Variants in TMEM259 observed in about 807,000 individuals in gnomAD.
TMEM259 encodes membralin.
Under a neutral mutation model 46.7 loss-of-function variants are expected in TMEM259, and 26 were observed. The observed-to-expected ratio is 0.56, with a 90% CI of 0.41 to 0.77. TMEM259 has a LOEUF of 0.77. TMEM259 is among the 30% of genes least tolerant of loss of function. The pLI is 0.00. For missense variants in TMEM259, 930 were observed against 900.5 expected (o/e 1.03, Z -0.42); for synonymous variants, 494 against 395.1 (o/e 1.25, Z -2.97).
At chr19:1,013,516 C>A (rs921182973) in intron 2 of TMEM259, 176 bp from the exon 3 acceptor site, 1 of 595,670 alleles carries the variant, frequency 1.7e-6, no homozygotes, top group Non-Finnish European at 3.0e-6. Flanking sequence ...CCCACCTCAA[C>A]ACCAAGCCTG....
chr19:1,018,838 A>T (rs1032285135), intron 1 of TMEM259, among the ~76,000 whole-genome samples: 8 of 152,166 alleles, frequency 5.3e-5, no homozygotes, highest in African/African-American at 1.9e-4. Flanking sequence ...AGACAAAAAA[A>T]TTAGCCGGTT....
Position 1,010,785 on chromosome 19 carries a change from C to T in TMEM259, c.1428G>A (p.Thr476=), listed in dbSNP as rs759545655. ...QAPPLGPGTP[T]ALPDDMNNNS... is the part of the protein sequence containing the mutation. The stretch of plus-strand genomic sequence containing the variant: ...TGTTGTTCATGTCATCGGGCAGCGC[C>T]GTGGGGGTCCCGGGGCCCAGTGGCG... The change falls in exon 11 of 11, where the codon ACG becomes ACA. Residue 476 remains threonine (T), a synonymous_variant. Transcript: ENST00000356663. The T allele has an allele frequency of 3.1e-5, 49 of 1,563,790 alleles. No individual in the cohort carries two copies. Among genetic ancestry groups the T allele is most frequent in the Admixed American group, 7.3e-5 (4 of 54,832 alleles).
chr19:1,012,466 G>A lies in TMEM259; in HGVS notation c.715C>T (p.Leu239=). The change falls in exon 4 of 11, where the codon CTG becomes TTG. Residue 239 remains leucine (L), a synonymous_variant. Coordinates refer to ENST00000356663, the MANE Select transcript of TMEM259 (RefSeq NM_001033026.2). ...RLSIPVMVVT[L]DPTRDQCFGD... ...AAGCCCAGCAGCTCAGACTCACCCA[G>A]GGTGACCACCATGACGGGGATGCTC... 2 of 1,599,322 alleles carry A rather than the reference G, an allele frequency of 1.3e-6. No individual in the cohort carries two copies. The highest frequency in any genetic ancestry group is 1.7e-6 in the Non-Finnish European group (2 of 1,174,858).
At chr19:1,016,611 G>A (rs895207892) in intron 1 of TMEM259, among the ~76,000 whole-genome samples, 1 of 152,246 alleles carries the variant, frequency 6.6e-6, no homozygotes, top group Non-Finnish European at 1.5e-5. Context: ...GGGACGCACG[G>A]CTGTTACCAT....
At chr19:1,011,241 C>G in intron 9 of TMEM259, 46 bp from the exon 10 acceptor site, 1 of 1,550,682 alleles carries the variant, frequency 6.4e-7, no homozygotes. Flanking sequence ...CCCACCCTGC[C>G]AGGCCCAGCC....
rs2039255210 is a variant in TMEM259, at chr19:1,020,475, G to A, written c.225+297C>T. ...GTCGCCGGGGACAGGATGGGCCCTG[G>A]AGGGAGCTGACAGTGAGGTTTCCAG... On this transcript the variant is annotated intron_variant, in intron 1 of 10. Transcript: ENST00000356663. This position sits in a 1 kb window ranked among gnomAD's most constrained non-coding sequence, Gnocchi z 4.0. 9.9e-6 allele frequency among the ~76,000 whole-genome samples: 1 copy of A among 101,214 alleles called. No individual in the cohort carries two copies. The highest frequency in any genetic ancestry group is 2.7e-4 in the South Asian group (1 of 3,684). 66.4% of individuals were successfully genotyped at this position (101,214 alleles called of 152,430 possible). A position where few individuals can be genotyped will look rare whatever the true frequency, so the allele number is the denominator to read the frequency against.
Position 1,013,230 on chromosome 19 carries a change from G to C in TMEM259, c.607+11C>G, listed in dbSNP as rs1420760739. The C allele has an allele frequency of 6.2e-7, 1 of 1,611,404 alleles. No individual in the cohort carries two copies. The highest frequency in any genetic ancestry group is 1.7e-5 in the Admixed American group (1 of 59,990). ...CCCCGTGAGGCAGTACACCTTTGGT[G>C]GGTGGCCTACCTTTGGTGGGCGTCT... On this transcript the variant is annotated intron_variant, in intron 3 of 10. Transcript: ENST00000356663.
chr19:1,018,547 G>A (rs1468402721), intron 1 of TMEM259, among the ~76,000 whole-genome samples: 1 of 152,220 alleles, frequency 6.6e-6, no homozygotes, highest in Non-Finnish European at 1.5e-5. Flanking sequence ...CAGGCAGGCA[G>A]GAAGCAGAGG....
In TMEM259 at chr19:1,010,155, G is replaced by A. The variant is rs977005921; in HGVS notation, c.*195C>T. The A allele has an allele frequency of 8.7e-5, 48 of 550,016 alleles. No individual in the cohort carries two copies. Among genetic ancestry groups the A allele is most frequent in the Non-Finnish European group, 5.6e-5 (18 of 323,300 alleles). The allele number at this position is 550,016 out of a possible 1,614,324, so 34.1% of individuals were successfully genotyped here. The stretch of plus-strand genomic sequence containing the variant: ...TGACCAGCTCAAACACCTCACTAGC[G>A]GGTACAAGCCTCGGGCGCGACCTCA... On this transcript the variant is annotated 3_prime_UTR_variant, in exon 11 of 11. Coordinates refer to ENST00000356663, the MANE Select transcript of TMEM259 (RefSeq NM_001033026.2).
chr19:1,012,594 C>G (rs751852417), intron 3 of TMEM259, 21 bp from the exon 4 acceptor site: 1 of 1,556,628 alleles, frequency 6.4e-7, no homozygotes, highest in Non-Finnish European at 8.7e-7. Context: ...GAACCAGGGA[C>G]CAGGTCAGCG....
In TMEM259 at chr19:1,014,500, G is replaced by A. The variant is rs752940017; in HGVS notation, c.226-27C>T. On this transcript the variant is annotated intron_variant, in intron 1 of 10. Coordinates refer to ENST00000356663, the MANE Select transcript of TMEM259 (RefSeq NM_001033026.2). ...TAGGGGGCGGCCGGCAGTCAGTGGG[G>A]CGCCCCAGGGCCAGCTGCAGCCGAC... 2.5e-6 allele frequency: 4 copies of A among 1,593,500 alleles called. No homozygotes were observed. In the South Asian group the frequency reaches 4.5e-5, roughly 18 times the overall value.
intron 4 of TMEM259, 37 bp from the exon 5 acceptor site, chr19:1,012,225 C>T: frequency 6.4e-7 from 1 of 1,571,648 alleles, no homozygotes; most frequent in Non-Finnish European, 8.6e-7. Flanking sequence ...GGAGCCCCGC[C>T]CAGGCCACCC....
In TMEM259 at chr19:1,012,152, C is replaced by T. The variant is rs1266729091; in HGVS notation, c.755G>A (p.Ser252Asn). The change falls in exon 5 of 11, where the codon AGC becomes AAC. Residue 252 changes from serine (S) to asparagine (N), a missense_variant. Physicochemically the swap from Ser to Asn is conservative, Grantham distance 46. Coordinates refer to ENST00000356663, the MANE Select transcript of TMEM259 (RefSeq NM_001033026.2). ...TRDQCFGDRFSRLLLDEFLGY... is the reference protein window; with the variant it reads ...TRDQCFGDRFNRLLLDEFLGY... ...CAGGAACTCATCCAGCAGCAGGCGG[C>T]TGAAGCGGTCCCCGAAGCACTGGTC... is the stretch of plus-strand genomic sequence containing the variant. 1 of 1,607,804 alleles carries T rather than the reference C, an allele frequency of 6.2e-7. No homozygotes were observed. Among genetic ancestry groups the T allele is most frequent in the Non-Finnish European group, 8.5e-7 (1 of 1,177,680 alleles).
intron 1 of TMEM259, among the ~76,000 whole-genome samples, chr19:1,016,574 A>C (rs1163618332): frequency 6.6e-6 from 1 of 152,246 alleles, no homozygotes; most frequent in Non-Finnish European, 1.5e-5. Flanking sequence ...CAGTGGGCCG[A>C]GGTCGGGGCT....
chr19:1,013,052 C>A (rs887011921), intron 3 of TMEM259, among the ~76,000 whole-genome samples, 189 bp downstream of exon 3: 15 of 152,178 alleles, frequency 9.9e-5, no homozygotes, highest in Admixed American at 4.6e-4. Flanking sequence ...AGCCAGTTAC[C>A]CCAGGCTCTG....
At chr19:1,011,842 C>T (rs538906148) in intron 6 of TMEM259, 44 bp from the exon 7 acceptor site, 1 of 1,591,332 alleles carries the variant, frequency 6.3e-7, no homozygotes, top group East Asian at 2.3e-5. Flanking sequence ...CTGCGAGGGC[C>T]TGCTTGGCTC....
chr19:1,013,223 C>G lies in TMEM259; in HGVS notation c.607+18G>C. The G allele has an allele frequency of 6.2e-7, 1 of 1,611,234 alleles. No individual in the cohort carries two copies. The highest frequency in any genetic ancestry group is 8.5e-7 in the Non-Finnish European group (1 of 1,177,594). On this transcript the variant is annotated intron_variant, in intron 3 of 10. Coordinates refer to ENST00000356663, the MANE Select transcript of TMEM259 (RefSeq NM_001033026.2). ...GAGGCAACCCCGTGAGGCAGTACAC[C>G]TTTGGTGGGTGGCCTACCTTTGGTG... is the stretch of plus-strand genomic sequence containing the variant.
At chr19:1,016,986 C>T (rs2039133059) in intron 1 of TMEM259, among the ~76,000 whole-genome samples, 1 of 152,208 alleles carries the variant, frequency 6.6e-6, no homozygotes, top group Non-Finnish European at 1.5e-5. Context: ...TCAGGTGCTC[C>T]GTGCTGACCG....
Position 1,010,042 on chromosome 19 carries a change from G to T in TMEM259, c.*308C>A. ...GCCTTGCTCAGAGACCTGCACCATG[G>T]GACCCCACTCCATCCTCAGGACGGT... On this transcript the variant is annotated 3_prime_UTR_variant, in exon 11 of 11. Transcript: ENST00000356663. The T allele has an allele frequency of 2.6e-6, 1 of 390,036 alleles. No homozygotes were observed. The highest frequency in any genetic ancestry group is 4.6e-6 in the Non-Finnish European group (1 of 218,918). The allele number at this position is 390,036 out of a possible 1,614,324, so 24.2% of individuals were successfully genotyped here.
Sources: gnomAD v4.1 joint callset for allele counts (sites outside exome capture counted in the v4.1 genomes callset) on GRCh38, gnomAD v4.1.1 for gene constraint, Gnocchi (gnomAD v3.1) non-coding constraint, MANE v1.5 for transcripts, NCBI Gene and HGNC (gene_info 2026-07-23, HGNC 2026-07-21) for gene names.